GNB4: variants seen among roughly 807,000 people sequenced by gnomAD.
GNB4 encodes G protein subunit beta 4.
In GNB4, 28 loss-of-function variants were observed where a neutral mutation model predicts 45.2. That is an observed-to-expected ratio of 0.62 (90% CI 0.46 to 0.85). The LOEUF (loss-of-function observed/expected upper bound fraction) is 0.85, where lower values mean the gene tolerates loss of function less well. GNB4 is among the 40% of genes least tolerant of loss of function. GNB4 has a pLI of 0.00. For synonymous variants in GNB4, 132 were observed against 143.7 expected (o/e 0.92, Z 0.58); for missense variants, 321 against 425.4 (o/e 0.75, Z 2.16).
chr3:179,516,106 G>C, the GNB4 span, among the ~76,000 whole-genome samples: 9 of 152,206 alleles, frequency 5.9e-5, no homozygotes, highest in Admixed American at 5.2e-4. Context: ...TGATTGGTGA[G>C]TTTTTGGGCT....
intron 1 of GNB4, among the ~76,000 whole-genome samples, chr3:179,441,470 A>T (rs145140660): frequency 0.012 from 1,855 of 152,278 alleles, 36 homozygotes; most frequent in African/African-American, 0.042. Flanking sequence ...ATGGTGGCTC[A>T]TGCCTGTAAT....
the GNB4 span, among the ~76,000 whole-genome samples, chr3:179,511,681 A>G: frequency 2.6e-5 from 4 of 152,190 alleles, no homozygotes; most frequent in Non-Finnish European, 5.9e-5. Flanking sequence ...AATGATGTTA[A>G]TAAGCACTTT....
intron 9 of GNB4, among the ~76,000 whole-genome samples, 185 bp downstream of exon 9, chr3:179,405,005 A>G (rs571576935): frequency 2.6e-5 from 4 of 152,254 alleles, no homozygotes; most frequent in Non-Finnish European, 5.9e-5. Context: ...TTCAGAAAGC[A>G]AAAGTGTAAA....
the GNB4 span, among the ~76,000 whole-genome samples, chr3:179,522,471 G>A: frequency 4.9e-5 from 7 of 142,814 alleles, no homozygotes; most frequent in Non-Finnish European, 7.4e-5. Context: ...CTCTTCGCAC[G>A]GACGCGAGTG....
intron 3 of GNB4, among the ~76,000 whole-genome samples, chr3:179,420,514 G>A (rs1393286092): frequency 6.6e-6 from 1 of 150,828 alleles, no homozygotes; most frequent in Non-Finnish European, 1.5e-5. Context: ...CCAGGCTGGA[G>A]TACAATGGTG....
chr3:179,454,434 G>A (rs1462311834), upstream of GNB4, among the ~76,000 whole-genome samples: 1 of 152,160 alleles, frequency 6.6e-6, no homozygotes, highest in African/African-American at 2.4e-5. Flanking sequence ...CAGAATCATA[G>A]GAGAGGAGAA....
chr3:179,482,646 A>G, the GNB4 span, among the ~76,000 whole-genome samples: 1 of 152,208 alleles, frequency 6.6e-6, no homozygotes, highest in African/African-American at 2.4e-5. Context: ...TTTGAAGGGT[A>G]GAGCCACCTC....
At chr3:179,482,760 ACTCT>A in the GNB4 span, among the ~76,000 whole-genome samples, 2 of 151,912 alleles carry the variant, frequency 1.3e-5, no homozygotes, top group South Asian at 2.1e-4. Context: ...GCTTTTCATG[ACTCT>A]CTCTTTTGAG....
intron 8 of GNB4, among the ~76,000 whole-genome samples, chr3:179,409,125 T>TAA (rs35623624): frequency 2.2e-5 from 3 of 134,138 alleles, no homozygotes; most frequent in Admixed American, 7.3e-5. Context: ...TGAAACCCAG[T>TAA]AAAAAAAAAA....
chr3:179,462,831 C>T, the GNB4 span, among the ~76,000 whole-genome samples: 2 of 151,710 alleles, frequency 1.3e-5, no homozygotes, highest in Non-Finnish European at 2.9e-5. Flanking sequence ...AGTGAAACTC[C>T]GTCCCCAAAA....
At chr3:179,482,411 T>C in the GNB4 span, among the ~76,000 whole-genome samples, 2 of 152,180 alleles carry the variant, frequency 1.3e-5, no homozygotes, top group African/African-American at 2.4e-5. Flanking sequence ...ACGCAAGCGG[T>C]TATTATTTTC....
At position 179,419,302 on chromosome 3, in the gene GNB4, T is replaced by A. The variant is rs1577030974; in HGVS notation, c.203+97A>T. On this transcript the variant is annotated intron_variant, in intron 4 of 9. Coordinates refer to ENST00000232564, the MANE Select transcript of GNB4 (RefSeq NM_021629.4). ...GCATTTTCTGCAAACGCTTCATGAA[T>A]ATATTCTGTTTTTAAACAAAGAAAA... The A allele has an allele frequency of 1.1e-5, 9 of 809,382 alleles. No homozygotes were observed. The East Asian group carries it at 2.0e-4, about 18-fold the overall frequency. 50.1% of individuals were successfully genotyped at this position (809,382 alleles called of 1,614,324 possible).
intron 1 of GNB4, among the ~76,000 whole-genome samples, chr3:179,448,474 GT>G (rs201658867): frequency 0.011 from 1,539 of 142,244 alleles, 19 homozygotes; most frequent in African/African-American, 0.034. Flanking sequence ...AACTTACTTG[GT>G]TTTTTTTTTT....
the GNB4 span, among the ~76,000 whole-genome samples, chr3:179,471,383 T>C: frequency 6.6e-6 from 1 of 152,202 alleles, no homozygotes; most frequent in Non-Finnish European, 1.5e-5. Context: ...GCCCCATTCA[T>C]GGTAAGTGCC....
chr3:179,402,451 C>T (rs973624293), intron 9 of GNB4, among the ~76,000 whole-genome samples: 3 of 152,188 alleles, frequency 2.0e-5, no homozygotes, highest in African/African-American at 4.8e-5. Context: ...AATCTACTTG[C>T]AAAGTGTAAA....
chr3:179,416,985 A>G (rs992220475), intron 4 of GNB4, among the ~76,000 whole-genome samples: 2 of 152,256 alleles, frequency 1.3e-5, no homozygotes, highest in African/African-American at 4.8e-5. Flanking sequence ...AACGCAGGAT[A>G]CATCGCCTGC....
At chr3:179,489,040 AT>A in the GNB4 span, among the ~76,000 whole-genome samples, 12 of 83,332 alleles carry the variant, frequency 1.4e-4, no homozygotes, top group Non-Finnish European at 2.4e-4. Flanking sequence ...ATATATATAT[AT>A]ATATAATATA....
chr3:179,409,222 G>GA (rs1384104143), intron 8 of GNB4, among the ~76,000 whole-genome samples: 4 of 151,194 alleles, frequency 2.6e-5, no homozygotes, highest in African/African-American at 7.3e-5. Flanking sequence ...AAAAAAACTA[G>GA]AAAAAAGGCT....
the GNB4 span, among the ~76,000 whole-genome samples, chr3:179,500,066 T>C: frequency 6.6e-6 from 1 of 152,264 alleles, no homozygotes; most frequent in Non-Finnish European, 1.5e-5. Flanking sequence ...TCTTTTGCTG[T>C]GCAGAAGCTC....
Sources: allele counts gnomAD v4.1 joint callset (sites outside exome capture counted in the v4.1 genomes callset), GRCh38; gene constraint gnomAD v4.1.1; transcripts MANE v1.5; gene names NCBI Gene and HGNC (gene_info 2026-07-23, HGNC 2026-07-21).